HIRA: variants seen among roughly 807,000 people sequenced by gnomAD.
HIRA encodes protein HIRA.
In HIRA, 13 loss-of-function variants were observed where a neutral mutation model predicts 126.6. The ratio of observed to expected loss-of-function variants is 0.10; its 90% CI spans 0.07 to 0.16. The LOEUF (loss-of-function observed/expected upper bound fraction) is 0.16. Among genes scored for constraint, HIRA ranks in the 10% least tolerant of loss-of-function variants. The pLI, the probability that HIRA is intolerant of heterozygous loss-of-function variation, is 1.00. For synonymous variants in HIRA, 511 were observed against 520.0 expected, an observed-to-expected ratio of 0.98 and a Z score of 0.24; for missense variants, 834 against 1,314.4, an observed-to-expected ratio of 0.63 and a Z score of 5.65.
At chr22:19,348,134 T>C (rs1466337600) in intron 24 of HIRA, among the ~76,000 whole-genome samples, 2 of 152,138 alleles carry the variant, frequency 1.3e-5, no homozygotes, top group African/African-American at 4.8e-5. Context: ...CTAGAAAACC[T>C]CAGTCCCTGA....
chr22:19,371,821 T>G (rs777445904), intron 15 of HIRA, among the ~76,000 whole-genome samples: 13 of 152,270 alleles, frequency 8.5e-5, no homozygotes, highest in Non-Finnish European at 1.8e-4. Context: ...TCTTTATTGT[T>G]GAATAATATT....
intron 8 of HIRA, 141 bp downstream of exon 8, chr22:19,394,201 T>C (rs2089205006): frequency 1.0e-6 from 1 of 995,144 alleles, no homozygotes; most frequent in Non-Finnish European, 1.4e-6. Context: ...CATGTAAAGT[T>C]TGCCAATAAA....
rs1309547894 is a variant in HIRA at position 19,361,826 on chromosome 22, G to T, written c.1881C>A (p.Ser627=). 1.2e-6 allele frequency: 2 copies of T among 1,614,078 alleles called. No individual in the cohort carries two copies. The highest frequency in any genetic ancestry group is 1.7e-6 in the Non-Finnish European group (2 of 1,180,028). ...CTACCTCAAGCTCAAGTTTTCGCTT[G>T]GACAGTGAGGAAGCCTTAGCCAAAG... ...KVPLAKASSL[S]KRKLELEVET... The change falls in exon 16 of 25, where the codon TCC becomes TCA. Residue 627 remains serine (S), a synonymous_variant. Coordinates refer to ENST00000263208, the MANE Select transcript of HIRA (RefSeq NM_003325.4).
intron 17 of HIRA, among the ~76,000 whole-genome samples, chr22:19,360,689 T>C (rs989650875): frequency 3.9e-5 from 6 of 152,222 alleles, no homozygotes; most frequent in Admixed American, 3.9e-4. Context: ...GCCTAGATAC[T>C]ATGCTGGGCC....
At chr22:19,332,652 C>A (rs1556004889) in intron 24 of HIRA, among the ~76,000 whole-genome samples, 1 of 148,302 alleles carries the variant, frequency 6.7e-6, no homozygotes, top group African/African-American at 2.5e-5. Context: ...CAAAATACTC[C>A]AAAAGTGGTA....
At chr22:19,417,351 C>T (rs766225846) in intron 1 of HIRA, among the ~76,000 whole-genome samples, 12 of 152,030 alleles carry the variant, frequency 7.9e-5, no homozygotes, top group Non-Finnish European at 1.3e-4. Flanking sequence ...CGGCTGGGTG[C>T]GGTGGCTCAT....
Position 19,428,784 on chromosome 22 carries a change from T to TA in HIRA, c.37+2655dup, listed in dbSNP as rs199570689. On this transcript the variant is annotated intron_variant, in intron 1 of 24. Coordinates refer to ENST00000263208, the MANE Select transcript of HIRA (RefSeq NM_003325.4). Reference sequence around the variant, plus strand: ...CAACACTGCAAGATCCCATTTCTATTAAAAAAAAAAGTTATGTTTGTGCTT... The same window carrying TA: ...CAACACTGCAAGATCCCATTTCTATTAAAAAAAAAAAGTTATGTTTGTGCTT... Among the ~76,000 whole-genome samples the TA allele has an allele frequency of 2.9e-3, 427 of 149,670 alleles. 3 individuals carry two copies. Among genetic ancestry groups the TA allele is most frequent in the African/African-American group, 9.7e-3 (395 of 40,882 alleles).
At chr22:19,376,140 C>T (rs1369661827) in intron 14 of HIRA, among the ~76,000 whole-genome samples, 1 of 152,186 alleles carries the variant, frequency 6.6e-6, no homozygotes, top group East Asian at 1.9e-4. Context: ...CCCCAAACCA[C>T]TCCAGCCACT....
At chr22:19,393,083 C>T (rs1569305407) in intron 8 of HIRA, among the ~76,000 whole-genome samples, 2 of 152,122 alleles carry the variant, frequency 1.3e-5, no homozygotes, top group Non-Finnish European at 2.9e-5. Context: ...GGCTTGCTGT[C>T]TCTAACACCA....
chr22:19,400,625 T>C (rs970621082), intron 5 of HIRA, among the ~76,000 whole-genome samples: 2 of 152,194 alleles, frequency 1.3e-5, no homozygotes, highest in African/African-American at 4.8e-5. Context: ...GTTTCTGTCT[T>C]CAGACTATAT....
chr22:19,376,298 T>C lies in HIRA; in HGVS notation c.1614-506A>G, dbSNP rs917016485. Among the ~76,000 whole-genome samples, 3 of 152,262 alleles carry C rather than the reference T, an allele frequency of 2.0e-5. 1 individual carries two copies. The South Asian group carries it at 6.2e-4, about 32-fold the overall frequency. ...CTGTGACAGTGTCACATTCTTAGCATTATGCTCCAAGTGCTCATCACACAA... is the reference window on the plus strand; with the variant it reads ...CTGTGACAGTGTCACATTCTTAGCACTATGCTCCAAGTGCTCATCACACAA... On this transcript the variant is annotated intron_variant, in intron 14 of 24. Transcript: ENST00000263208.
chr22:19,385,890 G>A (rs1009042578), intron 11 of HIRA, among the ~76,000 whole-genome samples, 154 bp from the exon 12 acceptor site: 1 of 152,184 alleles, frequency 6.6e-6, no homozygotes, highest in African/African-American at 2.4e-5. Context: ...TATTCTGCCT[G>A]TCCCTCATTC....
chr22:19,370,004 G>A (rs569711780), intron 15 of HIRA, among the ~76,000 whole-genome samples: 33 of 152,268 alleles, frequency 2.2e-4, no homozygotes, highest in Middle Eastern at 3.4e-3. Context: ...TGTTTTTTGA[G>A]ACAAGTCTTG....
intron 5 of HIRA, among the ~76,000 whole-genome samples, chr22:19,401,767 AACC>A (rs1212912155): frequency 2.0e-5 from 3 of 151,990 alleles, no homozygotes; most frequent in Non-Finnish European, 4.4e-5. Context: ...TATGACTCCA[AACC>A]ACCATTGTCT....
In HIRA at chr22:19,431,525, G is replaced by A. The variant is rs369523337; in HGVS notation, c.-49C>T. The stretch of plus-strand genomic sequence containing the variant: ...GCTGAGGCGAGCGCCGGGTCCCTCA[G>A]CGCGCCCGGGCCATGGAGCCACCGC... On this transcript the variant is annotated 5_prime_UTR_variant, in exon 1 of 25. Coordinates refer to ENST00000263208, the MANE Select transcript of HIRA (RefSeq NM_003325.4). The A allele has an allele frequency of 1.3e-6, 2 of 1,486,938 alleles. No individual in the cohort carries two copies. Among genetic ancestry groups the A allele is most frequent in the East Asian group, 5.6e-5 (2 of 35,724 alleles). 92.1% of individuals were successfully genotyped at this position (1,486,938 alleles called of 1,614,324 possible).
At chr22:19,355,986 G>C (rs1015917885) in intron 20 of HIRA, 121 bp from the exon 21 acceptor site, 1 of 761,432 alleles carries the variant, frequency 1.3e-6, no homozygotes, top group African/African-American at 1.7e-5. Flanking sequence ...CATCAACACT[G>C]CCTTGGCAAA....
At chr22:19,376,256 G>C (rs1390152336) in intron 14 of HIRA, among the ~76,000 whole-genome samples, 1 of 152,152 alleles carries the variant, frequency 6.6e-6, no homozygotes, top group Non-Finnish European at 1.5e-5. Flanking sequence ...ATCCTGAGCG[G>C]CCCCTCCCAT....
intron 1 of HIRA, among the ~76,000 whole-genome samples, chr22:19,419,311 C>T (rs1285201358): frequency 6.6e-6 from 1 of 152,166 alleles, no homozygotes; most frequent in Non-Finnish European, 1.5e-5. Flanking sequence ...GGCCACCCCG[C>T]CCCCACGACT....
chr22:19,342,289 A>G (rs1207313275), intron 24 of HIRA, among the ~76,000 whole-genome samples: 1 of 152,236 alleles, frequency 6.6e-6, no homozygotes, highest in Non-Finnish European at 1.5e-5. Context: ...CCATAATTAA[A>G]AAATAAAAAA....
Sources: allele counts gnomAD v4.1 joint callset (sites outside exome capture counted in the v4.1 genomes callset), GRCh38; gene constraint gnomAD v4.1.1; transcripts MANE v1.5; gene names NCBI Gene and HGNC (gene_info 2026-07-23, HGNC 2026-07-21).